The following VLDLR variants were observed in gnomAD, a reference collection of about 807,000 sequenced individuals.
VLDLR encodes the protein very low density lipoprotein receptor, also known as very low-density lipoprotein receptor.
Under a neutral mutation model 112.7 loss-of-function variants are expected in VLDLR, and 81 were observed. The ratio of observed to expected loss-of-function variants is 0.72; its 90% CI spans 0.60 to 0.86. The LOEUF is 0.86. VLDLR is among the 40% of genes least tolerant of loss of function. The pLI is 0.00. For missense variants in VLDLR, 1,237 were observed against 1,099.4 expected, an observed-to-expected ratio of 1.13 and a Z score of -1.77; for synonymous variants, 436 against 384.8, an observed-to-expected ratio of 1.13 and a Z score of -1.56.
At position 2,644,785 on chromosome 9, in the gene VLDLR, A is replaced by G; in HGVS notation, c.1118A>G (p.Asp373Gly). 1 of 1,614,190 alleles carries G rather than the reference A, an allele frequency of 6.2e-7. No individual in the cohort carries two copies. Among genetic ancestry groups the G allele is most frequent in the Non-Finnish European group, 8.5e-7 (1 of 1,180,038 alleles). ...GGTGGATGTTCTCATATCTGCAAAG[A>G]CCTAGTTATAGGCTACGAGTGTGAC... ...NNGGCSHICK[D>G]LVIGYECDCA... The change falls in exon 8 of 19, where the codon GAC becomes GGC. Residue 373 changes from aspartate (D) to glycine (G), a missense_variant. Coordinates refer to ENST00000382100, the MANE Select transcript of VLDLR (RefSeq NM_003383.5).
intron 15 of VLDLR, among the ~76,000 whole-genome samples, chr9:2,650,765 C>T (rs1818292827): frequency 6.6e-6 from 1 of 152,178 alleles, no homozygotes; most frequent in African/African-American, 2.4e-5. Flanking sequence ...AGTCCCTTAA[C>T]AGCACTGAGC....
At chr9:2,639,241 C>T (rs1817728291) in intron 2 of VLDLR, among the ~76,000 whole-genome samples, 1 of 152,176 alleles carries the variant, frequency 6.6e-6, no homozygotes, top group Non-Finnish European at 1.5e-5. Context: ...TGCAGATGAC[C>T]ATCTTCTCAC....
Position 2,653,994 on chromosome 9 carries a change from G to A in VLDLR, c.*126G>A, listed in dbSNP as rs568081586. 27 of 970,706 alleles carry A rather than the reference G, an allele frequency of 2.8e-5. No individual in the cohort carries two copies. Among genetic ancestry groups the A allele is most frequent in the Non-Finnish European group, 4.0e-5 (24 of 606,768 alleles). The allele number at this position is 970,706 out of a possible 1,614,324, so 60.1% of individuals were successfully genotyped here. A position where few individuals can be genotyped will look rare whatever the true frequency, so the allele number is the denominator to read the frequency against. On this transcript the variant is annotated 3_prime_UTR_variant, in exon 19 of 19. Transcript: ENST00000382100. Reference sequence around the variant, plus strand: ...TGGAAGAACATCAAGATACCTTTGCGTGGATCAAGCTTGTGTACTTGACCG... The same window carrying A: ...TGGAAGAACATCAAGATACCTTTGCATGGATCAAGCTTGTGTACTTGACCG...
chr9:2,633,090 TTGAG>T (rs1817442427), intron 1 of VLDLR, among the ~76,000 whole-genome samples: 1 of 97,988 alleles, frequency 1.0e-5, no homozygotes, highest in African/African-American at 4.2e-5. Context: ...GTGTGTGTGG[TTGAG>T]AGAGAGGGAG....
At chr9:2,635,424 C>A (rs767157675) in intron 1 of VLDLR, 29 bp from the exon 2 acceptor site, 2 of 1,613,448 alleles carry the variant, frequency 1.2e-6, no homozygotes, top group Non-Finnish European at 1.7e-6. Context: ...CCAATCCTTG[C>A]TTTACCGAAT....
At chr9:2,651,208 G>T (rs543040768) in intron 15 of VLDLR, among the ~76,000 whole-genome samples, 1 of 152,138 alleles carries the variant, frequency 6.6e-6, no homozygotes, top group African/African-American at 2.4e-5. Flanking sequence ...TCCAAACACC[G>T]ACTGTCCTTC....
chr9:2,647,594 T>G lies in VLDLR; in HGVS notation c.1822+2T>G. 1 of 1,610,738 alleles carries G rather than the reference T, an allele frequency of 6.2e-7. No homozygotes were observed. The highest frequency in any genetic ancestry group is 8.5e-7 in the Non-Finnish European group (1 of 1,176,888). Reference sequence around the variant, plus strand: ...AGTGGCCTAACGGAATTACACTTGGTATGTATGTTCTTCCTTCTCGACCAC... The same window carrying G: ...AGTGGCCTAACGGAATTACACTTGGGATGTATGTTCTTCCTTCTCGACCAC... On this transcript the variant is annotated splice_donor_variant, in intron 12 of 18. Coordinates refer to ENST00000382100, the MANE Select transcript of VLDLR (RefSeq NM_003383.5). LOFTEE classifies it high-confidence loss of function.
intron 1 of VLDLR, among the ~76,000 whole-genome samples, chr9:2,629,288 C>G (rs1817234210): frequency 1.3e-5 from 2 of 152,240 alleles, no homozygotes; most frequent in Non-Finnish European, 2.9e-5. Context: ...TTTCCTCTGA[C>G]TTGAACCCTA....
intron 7 of VLDLR, 60 bp downstream of exon 7, chr9:2,644,019 A>G: frequency 1.9e-6 from 3 of 1,612,858 alleles, no homozygotes; most frequent in Non-Finnish European, 2.5e-6. Flanking sequence ...CAGTATAGCT[A>G]ACACTGTGTG....
At chr9:2,632,610 C>A (rs563749586) in intron 1 of VLDLR, among the ~76,000 whole-genome samples, 3 of 152,320 alleles carry the variant, frequency 2.0e-5, no homozygotes, top group South Asian at 4.1e-4. Flanking sequence ...CCTCTTAACT[C>A]ATTTGGTGCT....
chr9:2,653,732 G>GT (rs1288020127), intron 18 of VLDLR, 101 bp from the exon 19 acceptor site: 2 of 1,213,268 alleles, frequency 1.6e-6, no homozygotes, highest in Non-Finnish European at 2.5e-6. Flanking sequence ...AGCACTCTGA[G>GT]TGTTTGAATG....
intron 15 of VLDLR, among the ~76,000 whole-genome samples, chr9:2,651,170 G>A (rs1465408532): frequency 6.6e-6 from 1 of 152,154 alleles, no homozygotes; most frequent in African/African-American, 2.4e-5. Flanking sequence ...GATAAAATGT[G>A]GTTGTCCATC....
intron 1 of VLDLR, among the ~76,000 whole-genome samples, chr9:2,624,411 T>C (rs1248819242): frequency 6.6e-6 from 1 of 152,164 alleles, no homozygotes; most frequent in Non-Finnish European, 1.5e-5. Flanking sequence ...TGTTCCACAA[T>C]ACTCCTGGAC....
chr9:2,641,422 C>G lies in VLDLR; in HGVS notation c.371C>G (p.Ser124Cys). The G allele has an allele frequency of 1.2e-6, 2 of 1,614,198 alleles. No homozygotes were observed. The highest frequency in any genetic ancestry group is 1.3e-5 in the African/African-American group (1 of 75,054). ...RIHEISCGAH[S>C]TQCIPVSWRC... ...CATGAAATCAGCTGTGGCGCCCATT[C>G]TACTCAGTGTATCCCAGTGTCCTGG... Residue 124 changes from serine (S) to cysteine (C), a missense_variant, in exon 4 of 19, where the codon TCT becomes TGT. Transcript: ENST00000382100.
intron 1 of VLDLR, among the ~76,000 whole-genome samples, chr9:2,625,637 C>A (rs1188364543): frequency 6.6e-6 from 1 of 152,166 alleles, no homozygotes; most frequent in Non-Finnish European, 1.5e-5. Context: ...CTTGTGGTGG[C>A]TAATACAACT....
intron 1 of VLDLR, among the ~76,000 whole-genome samples, chr9:2,623,009 G>C (rs1816902917): frequency 6.6e-6 from 1 of 152,252 alleles, no homozygotes; most frequent in South Asian, 2.1e-4. Context: ...AGCTGAACGC[G>C]GAGGGGGAGT....
rs1420674216 is a variant in VLDLR, at chr9:2,627,769, G to A, written c.82+5498G>A. 2.0e-5 allele frequency among the ~76,000 whole-genome samples: 3 copies of A among 151,672 alleles called. No individual in the cohort carries two copies. The East Asian group carries it at 5.8e-4, about 29-fold the overall frequency. On this transcript the variant is annotated intron_variant, in intron 1 of 18. Transcript: ENST00000382100. ...AATCCCAGCTACTCAGGAGGCTGAG[G>A]CAGGAGAATCGCTTGAACCCGGGTG...
intron 1 of VLDLR, among the ~76,000 whole-genome samples, chr9:2,622,715 C>T (rs957099705): frequency 1.3e-5 from 2 of 152,154 alleles, no homozygotes; most frequent in Non-Finnish European, 2.9e-5. Flanking sequence ...CGGGAGCGGA[C>T]GGGGGGAGAA....
chr9:2,633,093 A>C (rs1274157321), intron 1 of VLDLR, among the ~76,000 whole-genome samples: 1 of 132,548 alleles, frequency 7.5e-6, no homozygotes. Flanking sequence ...TGTGTGGTTG[A>C]GAGAGAGGGA....
Sources: allele counts gnomAD v4.1 joint callset (sites outside exome capture counted in the v4.1 genomes callset), GRCh38; gene constraint gnomAD v4.1.1; transcripts MANE v1.5; gene names NCBI Gene and HGNC (gene_info 2026-07-23, HGNC 2026-07-21).